BAZ1A: variants seen among roughly 807,000 people sequenced by gnomAD.
BAZ1A encodes the protein bromodomain adjacent to zinc finger domain 1A, also known as bromodomain adjacent to zinc finger domain protein 1A.
A neutral mutation model predicts 185.2 loss-of-function variants in BAZ1A; 50 were observed. The ratio of observed to expected loss-of-function variants is 0.27; its 90% CI spans 0.22 to 0.34. BAZ1A has a LOEUF of 0.34. BAZ1A is among the 10% of genes least tolerant of loss of function. BAZ1A has a pLI of 1.00. For missense variants in BAZ1A, 1,356 were observed against 1,839.9 expected (o/e 0.74, Z 4.81); for synonymous variants, 571 against 615.6 (o/e 0.93, Z 1.07).
intron 3 of BAZ1A, chr14:34,828,561 AG>A (rs1031288515): frequency 4.6e-5 from 7 of 150,864 alleles, no homozygotes; most frequent in African/African-American, 1.7e-4. Flanking sequence ...AAATGAAAGA[AG>A]AGATCTTCAC....
intron 17 of BAZ1A, among the ~76,000 whole-genome samples, chr14:34,778,870 T>G (rs1879846300): frequency 6.6e-6 from 1 of 152,180 alleles, no homozygotes; most frequent in Non-Finnish European, 1.5e-5. Flanking sequence ...ATTTTATTTT[T>G]TTGAGAAAGG....
intron 14 of BAZ1A, among the ~76,000 whole-genome samples, chr14:34,784,793 C>T (rs918482956): frequency 1.6e-4 from 24 of 152,000 alleles, no homozygotes; most frequent in African/African-American, 5.3e-4. Context: ...ACTGGGATTA[C>T]AGGCGTGAGC....
chr14:34,872,682 T>C (rs1027176277), intron 2 of BAZ1A, among the ~76,000 whole-genome samples: 9 of 152,126 alleles, frequency 5.9e-5, no homozygotes, highest in Non-Finnish European at 1.3e-4. Flanking sequence ...TTCAGATTTC[T>C]CCATGGTTAG....
At chr14:34,803,380 GAAAAAAA>G (rs11448366) in intron 6 of BAZ1A, among the ~76,000 whole-genome samples, 1 of 114,898 alleles carries the variant, frequency 8.7e-6, no homozygotes, top group Non-Finnish European at 1.7e-5. Context: ...TCCATCTCAG[GAAAAAAA>G]AAAAAAAAAA....
intron 21 of BAZ1A, among the ~76,000 whole-genome samples, chr14:34,767,733 C>T (rs1959151): frequency 0.76 from 115,058 of 152,074 alleles, 44,602 homozygotes; most frequent in East Asian, 0.97. Flanking sequence ...GATCATGATC[C>T]TTCTGGGTAA....
Position 34,836,844 on chromosome 14 carries a change from T to C in BAZ1A, c.393-10688A>G, listed in dbSNP as rs187994519. The stretch of plus-strand genomic sequence containing the variant: ...AAAGAGTGTGAATTATGTCAATTAC[T>C]TGTCAATGAGAAAAAAGGAAAAGAT... On this transcript the variant is annotated intron_variant, in intron 3 of 26. Transcript: ENST00000360310. Among the ~76,000 whole-genome samples, 6 of 152,148 alleles carry C rather than the reference T, an allele frequency of 3.9e-5. No individual in the cohort carries two copies. The East Asian group carries it at 1.2e-3, about 29-fold the overall frequency.
chr14:34,775,672 A>G (rs1157625641), intron 18 of BAZ1A, among the ~76,000 whole-genome samples: 1 of 152,240 alleles, frequency 6.6e-6, no homozygotes, highest in Non-Finnish European at 1.5e-5. Context: ...ATCAGGGAGA[A>G]TATGTATTTT....
At chr14:34,860,965 C>T (rs183448730) in intron 3 of BAZ1A, among the ~76,000 whole-genome samples, 159 of 152,130 alleles carry the variant, frequency 1.0e-3, no homozygotes, top group African/African-American at 3.4e-3. Context: ...AATATAAACA[C>T]ATTTGGTTGC....
In BAZ1A at chr14:34,790,380, GTCTC is replaced by G. The variant is rs1353712121; in HGVS notation, c.1510+2391_1510+2394del. Among the ~76,000 whole-genome samples the G allele has an allele frequency of 9.9e-5, 15 of 152,180 alleles. No individual in the cohort carries two copies. In the South Asian group the frequency reaches 2.9e-3, roughly 29 times the overall value. On this transcript the variant is annotated intron_variant, in intron 12 of 26. Transcript: ENST00000360310. ...TTTATTTATTTATTTGAGACACAGA[GTCTC>G]TCTCTATTGCCTAGGCTGGAGTGCA...
At chr14:34,827,085 ATC>A (rs113281273) in intron 3 of BAZ1A, among the ~76,000 whole-genome samples, 9 of 150,502 alleles carry the variant, frequency 6.0e-5, no homozygotes, top group Non-Finnish European at 1.0e-4. Context: ...CCCTTCTCCT[ATC>A]TCTCTCTCTC....
intron 2 of BAZ1A, among the ~76,000 whole-genome samples, chr14:34,873,685 C>T (rs2042989562): frequency 6.6e-6 from 1 of 152,212 alleles, no homozygotes; most frequent in African/African-American, 2.4e-5. Flanking sequence ...GCGCCCAAGG[C>T]CCTGCTTCTT....
At chr14:34,777,883 C>T (rs567115157) in intron 17 of BAZ1A, among the ~76,000 whole-genome samples, 7 of 151,948 alleles carry the variant, frequency 4.6e-5, no homozygotes, top group African/African-American at 1.7e-4. Context: ...CCCAGCTACT[C>T]GGGAGGCTGA....
At position 34,774,243 on chromosome 14, in the gene BAZ1A, T is replaced by C. The variant is rs1879441054; in HGVS notation, c.2997+84A>G. 4 of 1,123,472 alleles carry C rather than the reference T, an allele frequency of 3.6e-6. No individual in the cohort carries two copies. In the African/African-American group the frequency reaches 6.4e-5, roughly 18 times the overall value. 69.6% of individuals were successfully genotyped at this position (1,123,472 alleles called of 1,614,324 possible). ...GTGTTTATTCAAAACACATATGCCT[T>C]GTCTATGCCATATAATTAACAAATA... On this transcript the variant is annotated intron_variant, in intron 19 of 26. Transcript: ENST00000360310.
intron 2 of BAZ1A, among the ~76,000 whole-genome samples, chr14:34,873,319 C>T (rs960974961): frequency 1.3e-5 from 2 of 152,188 alleles, no homozygotes; most frequent in Middle Eastern, 3.4e-3. Context: ...CTTTTGAGTG[C>T]AGAGGATAAA....
intron 2 of BAZ1A, among the ~76,000 whole-genome samples, chr14:34,868,678 G>T (rs922165026): frequency 1.3e-5 from 2 of 151,956 alleles, no homozygotes; most frequent in African/African-American, 4.8e-5. Flanking sequence ...TCAGGAGCCT[G>T]TAATCCTAGC....
intron 3 of BAZ1A, among the ~76,000 whole-genome samples, chr14:34,846,582 AAC>A (rs1392661999): frequency 2.0e-5 from 3 of 152,090 alleles, no homozygotes; most frequent in East Asian, 1.9e-4. Context: ...AATGTTTAGA[AAC>A]AGAGTCATTT....
chr14:34,755,253 G>A (rs1261675668), intron 25 of BAZ1A, among the ~76,000 whole-genome samples: 1 of 152,134 alleles, frequency 6.6e-6, no homozygotes, highest in Non-Finnish European at 1.5e-5. Flanking sequence ...CAGGCAAAAT[G>A]AGTCAAGTCA....
intron 4 of BAZ1A, among the ~76,000 whole-genome samples, chr14:34,817,689 T>C (rs2042027861): frequency 6.6e-6 from 1 of 152,210 alleles, no homozygotes; most frequent in Non-Finnish European, 1.5e-5. Context: ...AGAACTTGAA[T>C]GGGTATTTCT....
At chr14:34,862,815 A>G (rs2042790860) in intron 2 of BAZ1A, among the ~76,000 whole-genome samples, 1 of 151,448 alleles carries the variant, frequency 6.6e-6, no homozygotes, top group Non-Finnish European at 1.5e-5. Flanking sequence ...GAGAAAAAGG[A>G]AAGAAAATAA....
Sources: allele counts gnomAD v4.1 joint callset (sites outside exome capture counted in the v4.1 genomes callset), GRCh38; gene constraint gnomAD v4.1.1; transcripts MANE v1.5; gene names NCBI Gene and HGNC (gene_info 2026-07-23, HGNC 2026-07-21).